Variants in EFCAB11 observed in about 807,000 individuals in gnomAD.
The protein encoded by EFCAB11 is EF-hand calcium binding domain 11.
A neutral mutation model predicts 23.0 loss-of-function variants in EFCAB11; 14 were observed. That is an observed-to-expected ratio of 0.61 (90% CI 0.40 to 0.95). The LOEUF (loss-of-function observed/expected upper bound fraction) is 0.95, where lower values mean the gene tolerates loss of function less well. Ranked by LOEUF, EFCAB11 falls within the 40% of genes least tolerant of loss-of-function variation. The pLI, the probability that EFCAB11 is intolerant of heterozygous loss-of-function variation, is 0.00. For synonymous variants in EFCAB11, 65 were observed against 66.6 expected, an observed-to-expected ratio of 0.98 and a Z score of 0.11; for missense variants, 198 against 195.8, an observed-to-expected ratio of 1.01 and a Z score of -0.07.
chr14:89,912,050 G>A (rs1889696604), intron 5 of EFCAB11, among the ~76,000 whole-genome samples: 1 of 152,218 alleles, frequency 6.6e-6, no homozygotes, highest in Non-Finnish European at 1.5e-5. Context: ...TAGATCCAGA[G>A]AATTGTTCTA....
chr14:89,815,713 C>T (rs568123816), intron 5 of EFCAB11, among the ~76,000 whole-genome samples: 2 of 152,120 alleles, frequency 1.3e-5, no homozygotes, highest in South Asian at 2.1e-4. Flanking sequence ...CGTGAGTCAT[C>T]GCGCCCGGCC....
intron 5 of EFCAB11, among the ~76,000 whole-genome samples, chr14:89,823,986 A>T (rs1886609050): frequency 6.6e-6 from 1 of 152,228 alleles, no homozygotes; most frequent in South Asian, 2.1e-4. Context: ...TTGGAGTACC[A>T]GAAGGTTGAG....
chr14:89,849,781 G>C (rs1887547729), intron 5 of EFCAB11, among the ~76,000 whole-genome samples: 1 of 151,994 alleles, frequency 6.6e-6, no homozygotes, highest in Admixed American at 6.6e-5. Flanking sequence ...GTCATCATAT[G>C]GTGCACAAAA....
chr14:89,933,091 C>T (rs907857671), intron 3 of EFCAB11, among the ~76,000 whole-genome samples: 5 of 152,072 alleles, frequency 3.3e-5, no homozygotes, highest in Non-Finnish European at 7.4e-5. Context: ...TCTTAAAAGT[C>T]AATACCAATT....
At chr14:89,859,578 C>T (rs1887857528) in intron 5 of EFCAB11, among the ~76,000 whole-genome samples, 1 of 152,290 alleles carries the variant, frequency 6.6e-6, no homozygotes, top group Non-Finnish European at 1.5e-5. Context: ...TGTGGAGAAC[C>T]ACCAGGGTGG....
chr14:89,897,497 C>T (rs528937265), intron 5 of EFCAB11, among the ~76,000 whole-genome samples: 28 of 152,162 alleles, frequency 1.8e-4, no homozygotes, highest in African/African-American at 6.3e-4. Context: ...TGAGCCACCG[C>T]GCCCAGCCGT....
At chr14:89,845,500 T>C (rs1887403157) in intron 5 of EFCAB11, among the ~76,000 whole-genome samples, 1 of 152,190 alleles carries the variant, frequency 6.6e-6, no homozygotes, top group African/African-American at 2.4e-5. Flanking sequence ...AGCAACCTCC[T>C]TGCACTTTGA....
chr14:89,801,705 T>C (rs913732629), intron 5 of EFCAB11, among the ~76,000 whole-genome samples: 1 of 152,134 alleles, frequency 6.6e-6, no homozygotes, highest in African/African-American at 2.4e-5. Context: ...TATTAAAAAG[T>C]GGTTATAGGC....
At chr14:89,931,996 T>C (rs921508053) in intron 4 of EFCAB11, among the ~76,000 whole-genome samples, 1 of 150,678 alleles carries the variant, frequency 6.6e-6, no homozygotes, top group Non-Finnish European at 1.5e-5. Flanking sequence ...TGTTTTTTCC[T>C]TTGCGTGGTA....
At chr14:89,852,337 G>A (rs766830334) in intron 5 of EFCAB11, among the ~76,000 whole-genome samples, 5 of 152,196 alleles carry the variant, frequency 3.3e-5, no homozygotes, top group Non-Finnish European at 2.9e-5. Flanking sequence ...GGATGCTGTA[G>A]TGTACCACTC....
At position 89,910,650 on chromosome 14, in the gene EFCAB11, A is replaced by C. The variant is rs563233280; in HGVS notation, c.410+20891T>G. Among the ~76,000 whole-genome samples the C allele has an allele frequency of 3.6e-4, 49 of 137,206 alleles. 1 individual carries two copies. Among genetic ancestry groups the C allele is most frequent in the East Asian group, 2.1e-4 (1 of 4,664 alleles). 90.0% of individuals were successfully genotyped at this position (137,206 alleles called of 152,430 possible). A position where few individuals can be genotyped will look rare whatever the true frequency, so the allele number is the denominator to read the frequency against. ...ACATACATACATACATACATACATA[A>C]AAATGTCTAGAGAAGGTCTAAGTTT... On this transcript the variant is annotated intron_variant, in intron 5 of 5. Transcript: ENST00000316738.
chr14:89,872,294 G>A (rs117884592), intron 5 of EFCAB11, among the ~76,000 whole-genome samples: 1,647 of 152,330 alleles, frequency 0.011, 11 homozygotes, highest in Non-Finnish European at 0.018. Context: ...GGGAGGCAGG[G>A]TTAAGAACAT....
chr14:89,867,993 G>GC (rs1320184211), intron 5 of EFCAB11, among the ~76,000 whole-genome samples: 2 of 152,302 alleles, frequency 1.3e-5, no homozygotes, highest in African/African-American at 4.8e-5. Flanking sequence ...GATTAACGAT[G>GC]CCTCATGGGC....
At chr14:89,826,999 A>G (rs1886712078) in intron 5 of EFCAB11, among the ~76,000 whole-genome samples, 1 of 152,206 alleles carries the variant, frequency 6.6e-6, no homozygotes, top group South Asian at 2.1e-4. Context: ...TTCTGGTACC[A>G]TTTATTATAT....
intron 5 of EFCAB11, among the ~76,000 whole-genome samples, chr14:89,884,638 T>C (rs1020051900): frequency 2.4e-4 from 37 of 152,212 alleles, no homozygotes; most frequent in African/African-American, 8.7e-4. Flanking sequence ...GATGACTTGA[T>C]TGCATGCCTA....
At chr14:89,861,448 TG>T (rs1426529008) in intron 5 of EFCAB11, among the ~76,000 whole-genome samples, 1 of 152,216 alleles carries the variant, frequency 6.6e-6, no homozygotes, top group Non-Finnish European at 1.5e-5. Flanking sequence ...CTTAGTTCTC[TG>T]GTATCTGCTG....
At chr14:89,864,071 A>G (rs1243786554) in intron 5 of EFCAB11, among the ~76,000 whole-genome samples, 3 of 152,360 alleles carry the variant, frequency 2.0e-5, no homozygotes, top group Non-Finnish European at 2.9e-5. Flanking sequence ...ATTTTTAAAT[A>G]ACTAGTTCTA....
At chr14:89,923,889 T>A in intron 5 of EFCAB11, 1 of 985,412 alleles carries the variant, frequency 1.0e-6, no homozygotes, top group South Asian at 4.7e-5. Flanking sequence ...AAATAACATT[T>A]CAAAAGAGAC....
intron 5 of EFCAB11, among the ~76,000 whole-genome samples, chr14:89,926,761 C>T (rs1890207227): frequency 6.6e-6 from 1 of 152,140 alleles, no homozygotes; most frequent in Non-Finnish European, 1.5e-5. Context: ...TATTCAAATA[C>T]AATGACCCAG....
Sources: gnomAD v4.1 joint callset for allele counts (sites outside exome capture counted in the v4.1 genomes callset) on GRCh38, gnomAD v4.1.1 for gene constraint, MANE v1.5 for transcripts, NCBI Gene and HGNC (gene_info 2026-07-23, HGNC 2026-07-21) for gene names.